The following MYO5A variants were observed in gnomAD, a reference collection of about 807,000 sequenced individuals.
MYO5A encodes the protein unconventional myosin-Va.
Under a neutral mutation model 249.7 loss-of-function variants are expected in MYO5A, and 98 were observed. The observed-to-expected ratio is 0.39, with a 90% confidence interval of 0.33 to 0.46. The LOEUF (loss-of-function observed/expected upper bound fraction) is 0.46. MYO5A is among the 20% of genes least tolerant of loss of function. MYO5A has a pLI of 0.98. For missense variants in MYO5A, 1,696 were observed against 2,308.8 expected, an observed-to-expected ratio of 0.73 and a Z score of 5.44; for synonymous variants, 778 against 810.6, an observed-to-expected ratio of 0.96 and a Z score of 0.68.
At chr15:52,342,617 T>C (rs2039432192) in intron 31 of MYO5A, among the ~76,000 whole-genome samples, 1 of 152,172 alleles carries the variant, frequency 6.6e-6, no homozygotes, top group South Asian at 2.1e-4. Context: ...GTGAAGGTTT[T>C]TAAAGAAGGT....
At chr15:52,478,350 T>C (rs944673188) in intron 1 of MYO5A, among the ~76,000 whole-genome samples, 4 of 152,206 alleles carry the variant, frequency 2.6e-5, no homozygotes, top group Admixed American at 6.5e-5. Flanking sequence ...CCCCGACCCC[T>C]TGTGCTTCCT....
chr15:52,323,978 T>TG (rs2038458999), intron 36 of MYO5A: 1 of 109,916 alleles, frequency 9.1e-6, no homozygotes, highest in Non-Finnish European at 1.7e-5. Flanking sequence ...CACTCCAGCC[T>TG]AGAGACAGAA....
chr15:52,449,019 A>G (rs1252195422), intron 1 of MYO5A, among the ~76,000 whole-genome samples: 2 of 115,554 alleles, frequency 1.7e-5, no homozygotes, highest in Non-Finnish European at 3.2e-5. Flanking sequence ...CCCAGGCTGG[A>G]GTGCAATGGC....
intron 21 of MYO5A, 33 bp downstream of exon 21, chr15:52,372,091 A>G (rs901212851): frequency 6.2e-7 from 1 of 1,612,768 alleles, no homozygotes; most frequent in South Asian, 1.1e-5. Flanking sequence ...CTTCAGGCAT[A>G]CTCCACTCTC....
intron 8 of MYO5A, 45 bp downstream of exon 8, chr15:52,407,246 TA>T: frequency 7.1e-7 from 1 of 1,403,542 alleles, no homozygotes; most frequent in Non-Finnish European, 1.0e-6. Flanking sequence ...GTTGCTTGAG[TA>T]AAAAAGCTAT....
rs2037663225 is a variant in MYO5A, at chr15:52,307,713, G to C, written c.*5983C>G. 1 of 152,082 alleles carries C rather than the reference G, an allele frequency of 6.6e-6. No individual in the cohort carries two copies. The highest frequency in any genetic ancestry group is 2.4e-5 in the African/African-American group (1 of 41,410). The allele number at this position is 152,082 out of a possible 1,614,324, so 9.4% of individuals were successfully genotyped here. ...AGGAAAAATATTTGAAAACTGCAATGTTCAATTCCATTTTAGTTAAAAGGA... is the reference window on the plus strand; with the variant it reads ...AGGAAAAATATTTGAAAACTGCAATCTTCAATTCCATTTTAGTTAAAAGGA... On this transcript the variant is annotated 3_prime_UTR_variant, in exon 42 of 42. Coordinates refer to ENST00000399233, the MANE Select transcript of MYO5A (RefSeq NM_001382347.1).
chr15:52,315,109 C>G (rs1224656849), intron 40 of MYO5A, among the ~76,000 whole-genome samples: 5 of 152,156 alleles, frequency 3.3e-5, no homozygotes, highest in Admixed American at 1.3e-4. Context: ...ACTTTGTTAA[C>G]TAATATTTGC....
chr15:52,317,329 C>T, intron 39 of MYO5A, 107 bp from the exon 40 acceptor site: 1 of 1,126,790 alleles, frequency 8.9e-7, no homozygotes, highest in South Asian at 1.4e-5. Context: ...AAATGACAGG[C>T]AGTATTTTTG....
chr15:52,325,497 G>T (rs1185685161), intron 36 of MYO5A, among the ~76,000 whole-genome samples: 1 of 151,372 alleles, frequency 6.6e-6, no homozygotes, highest in Admixed American at 6.6e-5. Flanking sequence ...GACCTCACAG[G>T]CTCGAGCGAT....
At position 52,414,313 on chromosome 15, in the gene MYO5A, G is replaced by A. The variant is rs550260434; in HGVS notation, c.612+1832C>T. Among the ~76,000 whole-genome samples the A allele has an allele frequency of 3.9e-5, 6 of 152,256 alleles. No homozygotes were observed. In the South Asian group the frequency reaches 1.2e-3, roughly 32 times the overall value. ...TACTGTACAGCCCACAGAACCATGAGCTAAATAAATCTCTTTCTTTATAAA... is the reference window on the plus strand; with the variant it reads ...TACTGTACAGCCCACAGAACCATGAACTAAATAAATCTCTTTCTTTATAAA... On this transcript the variant is annotated intron_variant, in intron 5 of 41. Transcript: ENST00000399233.
At chr15:52,448,524 A>T (rs1278905189) in intron 1 of MYO5A, among the ~76,000 whole-genome samples, 3 of 152,152 alleles carry the variant, frequency 2.0e-5, no homozygotes, top group Non-Finnish European at 4.4e-5. Flanking sequence ...AAGACTTTGG[A>T]CTATTGGGAA....
chr15:52,469,194 T>G (rs1490405453), intron 1 of MYO5A, among the ~76,000 whole-genome samples: 1 of 152,160 alleles, frequency 6.6e-6, no homozygotes, highest in Non-Finnish European at 1.5e-5. Flanking sequence ...GGGTAAGCAG[T>G]GCCAATCCCC....
chr15:52,480,103 C>A (rs1241860054), intron 1 of MYO5A, among the ~76,000 whole-genome samples: 1 of 152,166 alleles, frequency 6.6e-6, no homozygotes, highest in African/African-American at 2.4e-5. Flanking sequence ...TGAATATATA[C>A]AATTTTTGTC....
intron 5 of MYO5A, among the ~76,000 whole-genome samples, chr15:52,411,212 T>C (rs890561271): frequency 6.6e-6 from 1 of 152,212 alleles, no homozygotes; most frequent in Non-Finnish European, 1.5e-5. Flanking sequence ...GACCAATGAA[T>C]ATTTCCTGGA....
At chr15:52,489,920 G>A (rs755208170) in intron 1 of MYO5A, among the ~76,000 whole-genome samples, 3 of 152,084 alleles carry the variant, frequency 2.0e-5, no homozygotes, top group Non-Finnish European at 4.4e-5. Context: ...TTGAATAGAC[G>A]TTTCTCCAAA....
chr15:52,450,665 CAAA>C (rs543453662), intron 1 of MYO5A, among the ~76,000 whole-genome samples: 9 of 96,956 alleles, frequency 9.3e-5, no homozygotes, highest in Admixed American at 1.1e-4. Flanking sequence ...GAACTTGTCT[CAAA>C]AAAAAAAAAA....
At chr15:52,416,352 G>A (rs776196381) in intron 4 of MYO5A, 51 bp from the exon 5 acceptor site, 4 of 1,569,546 alleles carry the variant, frequency 2.5e-6, no homozygotes, top group East Asian at 2.3e-5. Flanking sequence ...GCCTATAGCA[G>A]GATTGATAAG....
chr15:52,429,012 A>G (rs1170465314), intron 2 of MYO5A, among the ~76,000 whole-genome samples: 2 of 152,178 alleles, frequency 1.3e-5, no homozygotes, highest in Non-Finnish European at 2.9e-5. Flanking sequence ...TATTTCACCC[A>G]AATCCTTCAT....
chr15:52,423,006 C>T (rs1437935499), intron 4 of MYO5A, among the ~76,000 whole-genome samples: 3 of 152,116 alleles, frequency 2.0e-5, no homozygotes, highest in South Asian at 4.1e-4. Flanking sequence ...TACAGACGTG[C>T]GCCACCATGC....
Sources: allele counts gnomAD v4.1 joint callset (sites outside exome capture counted in the v4.1 genomes callset), GRCh38; gene constraint gnomAD v4.1.1; transcripts MANE v1.5; gene names NCBI Gene and HGNC (gene_info 2026-07-23, HGNC 2026-07-21).